The following GAL3ST2 variants were observed in gnomAD, a reference collection of about 807,000 sequenced individuals.
GAL3ST2 encodes galactose-3-O-sulfotransferase 2.
In GAL3ST2, 16 loss-of-function variants were observed where a neutral mutation model predicts 12.9. The ratio of observed to expected loss-of-function variants is 1.24; its 90% CI spans 0.84 to 1.88. The LOEUF (loss-of-function observed/expected upper bound fraction) is 1.88. Ranked by LOEUF, GAL3ST2 falls within the 40% of genes most tolerant of loss-of-function variation. The pLI, the probability that GAL3ST2 is intolerant of heterozygous loss-of-function variation, is 0.00. For missense variants in GAL3ST2, 639 were observed against 571.8 expected, an observed-to-expected ratio of 1.12 and a Z score of -1.20; for synonymous variants, 302 against 273.9, an observed-to-expected ratio of 1.10 and a Z score of -1.01.
rs1259156837 is a variant in GAL3ST2 at position 241,803,867 on chromosome 2, C to T, written c.898C>T (p.Pro300Ser). The change falls in exon 4 of 4, where the codon CCG (proline) becomes TCG (serine). Residue 300 changes from proline (P) to serine (S), a missense_variant. By Grantham distance (74) the Pro-to-Ser change is moderately conservative (BLOSUM62 -1). Coordinates refer to ENST00000192314, the MANE Select transcript of GAL3ST2 (RefSeq NM_022134.3). Reference protein sequence around the residue: ...LWAQLRAELGPRRLRGEVERL... With the variant: ...LWAQLRAELGSRRLRGEVERL... ...GGCGCAGCTGCGCGCCGAGCTGGGGCCGCGGCGGCTGCGCGGGGAGGTGGA... is the reference window on the plus strand; with the variant it reads ...GGCGCAGCTGCGCGCCGAGCTGGGGTCGCGGCGGCTGCGCGGGGAGGTGGA... 5.6e-6 allele frequency: 8 copies of T among 1,429,286 alleles called. No homozygotes were observed. The highest frequency in any genetic ancestry group is 5.4e-6 in the Non-Finnish European group (6 of 1,101,336). 88.5% of individuals were successfully genotyped at this position (1,429,286 alleles called of 1,614,324 possible). A position where few individuals can be genotyped will look rare whatever the true frequency, so the allele number is the denominator to read the frequency against.
At chr2:241,781,420 C>T (rs918970866) in intron 1 of GAL3ST2, among the ~76,000 whole-genome samples, 2 of 152,014 alleles carry the variant, frequency 1.3e-5, no homozygotes, top group Non-Finnish European at 2.9e-5. Context: ...TATTTAAGAA[C>T]ACCTGTTAGA....
chr2:241,778,978 G>C (rs932199523), intron 1 of GAL3ST2, among the ~76,000 whole-genome samples: 2 of 152,034 alleles, frequency 1.3e-5, no homozygotes, highest in African/African-American at 4.8e-5. Flanking sequence ...GAATACAATG[G>C]GGGGCAGGTT....
chr2:241,798,715 C>T (rs1317097248), intron 1 of GAL3ST2, among the ~76,000 whole-genome samples: 1 of 152,148 alleles, frequency 6.6e-6, no homozygotes, highest in Non-Finnish European at 1.5e-5. Flanking sequence ...TACAGTCTCC[C>T]AGGGGGCCCT....
intron 1 of GAL3ST2, among the ~76,000 whole-genome samples, chr2:241,787,651 C>A (rs1699645185): frequency 6.6e-6 from 1 of 151,358 alleles, no homozygotes. Context: ...GAGCTCACTT[C>A]CAACAGAGAA....
intron 1 of GAL3ST2, among the ~76,000 whole-genome samples, chr2:241,787,941 G>A (rs1699647853): frequency 6.6e-6 from 1 of 152,082 alleles, no homozygotes; most frequent in South Asian, 2.1e-4. Flanking sequence ...CTCTAATTTG[G>A]CTAAAATTCC....
At chr2:241,781,477 AC>A (rs1489891222) in intron 1 of GAL3ST2, among the ~76,000 whole-genome samples, 3 of 152,166 alleles carry the variant, frequency 2.0e-5, no homozygotes, top group African/African-American at 7.2e-5. Context: ...CCAAAACAAG[AC>A]AACAATTGCC....
At chr2:241,777,631 G>C (rs537437643) in intron 1 of GAL3ST2, among the ~76,000 whole-genome samples, 1 of 152,198 alleles carries the variant, frequency 6.6e-6, no homozygotes, top group Admixed American at 6.5e-5. Context: ...CTGCCTCCCC[G>C]GGGCGTGTGC....
intron 1 of GAL3ST2, among the ~76,000 whole-genome samples, chr2:241,784,805 C>G (rs1028094428): frequency 1.4e-4 from 22 of 152,202 alleles, no homozygotes; most frequent in African/African-American, 4.8e-4. Flanking sequence ...GTTTCAGAAC[C>G]CTAGGCAGTT....
chr2:241,793,525 TTG>T lies in GAL3ST2; in HGVS notation c.30-5536_30-5535del, dbSNP rs201698050. Among the ~76,000 whole-genome samples the T allele has an allele frequency of 0.031, 4,438 of 142,850 alleles. 207 individuals carry two copies. The highest frequency in any genetic ancestry group is 0.12 in the African/African-American group (4,156 of 35,848). 93.7% of individuals were successfully genotyped at this position (142,850 alleles called of 152,430 possible). ...ATGTGTGTGTATATGTATGTGTGTA[TTG>T]TGTTTATATGTATGTGTGTATATGT... On this transcript the variant is annotated intron_variant, in intron 1 of 3. Coordinates refer to ENST00000192314, the MANE Select transcript of GAL3ST2 (RefSeq NM_022134.3). The surrounding 1 kb of genome is among the most constrained non-coding windows in gnomAD (Gnocchi z 4.7).
chr2:241,799,900 G>GT (rs1472815566), intron 2 of GAL3ST2, among the ~76,000 whole-genome samples: 1 of 152,238 alleles, frequency 6.6e-6, no homozygotes, highest in African/African-American at 2.4e-5. Flanking sequence ...GCCCCACTGG[G>GT]TGGGTGTCAT....
At chr2:241,798,222 G>A (rs939566242) in intron 1 of GAL3ST2, among the ~76,000 whole-genome samples, 1 of 152,172 alleles carries the variant, frequency 6.6e-6, no homozygotes, top group African/African-American at 2.4e-5. Flanking sequence ...GCCTCCTCAG[G>A]CCTCCTCATG....
intron 1 of GAL3ST2, among the ~76,000 whole-genome samples, chr2:241,783,130 C>A (rs1334568560): frequency 6.6e-6 from 1 of 151,528 alleles, no homozygotes; most frequent in African/African-American, 2.4e-5. Flanking sequence ...AAAAGTGAAA[C>A]TCCATCTCCA....
At chr2:241,794,938 C>A (rs1283695598) in intron 1 of GAL3ST2, among the ~76,000 whole-genome samples, 1 of 151,958 alleles carries the variant, frequency 6.6e-6, no homozygotes, top group Non-Finnish European at 1.5e-5. Context: ...TTTTTAACAG[C>A]CTTATTGAGA....
chr2:241,798,940 C>A, intron 1 of GAL3ST2, 125 bp from the exon 2 acceptor site: 1 of 749,406 alleles, frequency 1.3e-6, no homozygotes, highest in Admixed American at 2.0e-5. Flanking sequence ...GAGGACAAGA[C>A]GTTACAGAGG....
intron 1 of GAL3ST2, among the ~76,000 whole-genome samples, chr2:241,780,328 G>A (rs1699551932): frequency 6.6e-6 from 1 of 152,136 alleles, no homozygotes; most frequent in Admixed American, 6.5e-5. Flanking sequence ...AGACCAGCCT[G>A]GCCAACATGG....
chr2:241,797,300 T>C (rs1027601940), intron 1 of GAL3ST2, among the ~76,000 whole-genome samples: 3 of 152,312 alleles, frequency 2.0e-5, no homozygotes, highest in East Asian at 1.9e-4. Context: ...TTTGACCCCA[T>C]GTGGAACTGA....
At chr2:241,798,461 G>A (rs1292317670) in intron 1 of GAL3ST2, among the ~76,000 whole-genome samples, 1 of 152,134 alleles carries the variant, frequency 6.6e-6, no homozygotes, top group Non-Finnish European at 1.5e-5. Flanking sequence ...TATGGGGAGC[G>A]AGGGTGGGGA....
chr2:241,794,684 C>A (rs558331453), intron 1 of GAL3ST2, among the ~76,000 whole-genome samples: 5 of 152,342 alleles, frequency 3.3e-5, no homozygotes, highest in Admixed American at 1.3e-4. Flanking sequence ...GCTACTCTGG[C>A]AACCCCCAGA....
At chr2:241,784,409 A>T (rs1019565949) in intron 1 of GAL3ST2, among the ~76,000 whole-genome samples, 1 of 152,172 alleles carries the variant, frequency 6.6e-6, no homozygotes, top group East Asian at 1.9e-4. Flanking sequence ...TGCAACCCCT[A>T]TGCCAAATTT....
Sources: gnomAD v4.1 joint callset for allele counts (sites outside exome capture counted in the v4.1 genomes callset) on GRCh38, gnomAD v4.1.1 for gene constraint, Gnocchi (gnomAD v3.1) non-coding constraint, MANE v1.5 for transcripts, NCBI Gene and HGNC (gene_info 2026-07-23, HGNC 2026-07-21) for gene names.